The following RHOU variants were observed in gnomAD, a reference collection of about 807,000 sequenced individuals.
The protein encoded by RHOU is ras homolog family member U.
In RHOU, 8 loss-of-function variants were observed where a neutral mutation model predicts 12.6. The observed-to-expected ratio is 0.64, with a 90% CI of 0.37 to 1.15. The LOEUF is 1.15. RHOU is among the 50% of genes most tolerant of loss of function. RHOU has a pLI of 0.01. For synonymous variants in RHOU, 161 were observed against 147.4 expected (o/e 1.09, Z -0.67); for missense variants, 258 against 347.0 (o/e 0.74, Z 2.04).
chr1:228,684,581 G>A, the RHOU span, among the ~76,000 whole-genome samples: 5 of 152,212 alleles, frequency 3.3e-5, no homozygotes, highest in East Asian at 5.8e-4. Context: ...CACGTGTCTC[G>A]GCCTAAGTAT....
the RHOU span, among the ~76,000 whole-genome samples, chr1:228,666,860 C>G: frequency 1.3e-5 from 2 of 152,142 alleles, no homozygotes; most frequent in Non-Finnish European, 2.9e-5. Context: ...AAAAGCCCTC[C>G]CAGAGATTTC....
At chr1:228,666,983 T>G in the RHOU span, among the ~76,000 whole-genome samples, 2 of 152,192 alleles carry the variant, frequency 1.3e-5, no homozygotes, top group Non-Finnish European at 2.9e-5. Flanking sequence ...GCAAGGCAAT[T>G]TAGCCTCACT....
the RHOU span, among the ~76,000 whole-genome samples, chr1:228,680,418 T>A: frequency 6.6e-6 from 1 of 152,264 alleles, no homozygotes; most frequent in African/African-American, 2.4e-5. Flanking sequence ...TCCACGAGGA[T>A]GTTTTTAAGG....
chr1:228,716,316 G>C, the RHOU span, among the ~76,000 whole-genome samples: 15 of 151,958 alleles, frequency 9.9e-5, no homozygotes, highest in Admixed American at 4.6e-4. Flanking sequence ...TTTCCCACTG[G>C]GGTCCACTGT....
In RHOU at chr1:228,738,815, C is replaced by A. The variant is rs1158527255; in HGVS notation, c.321+1084C>A. ...TCAGCTTGGAAAAACCAAGCACTGT[C>A]CGTATTGTATTGTCTGTAGAAAACA... On this transcript the variant is annotated intron_variant, in intron 2 of 2. Transcript: ENST00000366691. This position sits in a 1 kb window ranked among gnomAD's most constrained non-coding sequence, Gnocchi z 4.2. Among the ~76,000 whole-genome samples the A allele has an allele frequency of 6.6e-6, 1 of 152,162 alleles. No individual in the cohort carries two copies. The highest frequency in any genetic ancestry group is 6.6e-5 in the Admixed American group (1 of 15,264).
chr1:228,716,505 T>G, the RHOU span, among the ~76,000 whole-genome samples: 1 of 152,154 alleles, frequency 6.6e-6, no homozygotes, highest in Non-Finnish European at 1.5e-5. Context: ...CATCACCATT[T>G]ATTGTCCTTT....
At chr1:228,652,894 T>G in the RHOU span, among the ~76,000 whole-genome samples, 1 of 152,232 alleles carries the variant, frequency 6.6e-6, no homozygotes, top group Non-Finnish European at 1.5e-5. Flanking sequence ...CATACATTTA[T>G]GAACAAAAGT....
chr1:228,672,927 C>T, the RHOU span, among the ~76,000 whole-genome samples: 13 of 152,228 alleles, frequency 8.5e-5, no homozygotes, highest in East Asian at 1.7e-3. Flanking sequence ...AGCAGCAGCC[C>T]GATTTCCACC....
chr1:228,716,690 A>T, the RHOU span, among the ~76,000 whole-genome samples: 2 of 151,396 alleles, frequency 1.3e-5, no homozygotes, highest in African/African-American at 4.9e-5. Context: ...ATCTGTCTGT[A>T]TTTATTATTT....
chr1:228,681,365 G>C, the RHOU span, among the ~76,000 whole-genome samples: 1 of 152,118 alleles, frequency 6.6e-6, no homozygotes, highest in African/African-American at 2.4e-5. Context: ...ATTCAGCCTG[G>C]CGGGGAGCGA....
chr1:228,699,789 T>C, the RHOU span, among the ~76,000 whole-genome samples: 10 of 152,278 alleles, frequency 6.6e-5, no homozygotes, highest in African/African-American at 2.4e-4. Context: ...CCTAATAACC[T>C]TTTAGTTACT....
the RHOU span, among the ~76,000 whole-genome samples, chr1:228,651,708 A>C: frequency 6.6e-6 from 1 of 152,236 alleles, no homozygotes; most frequent in African/African-American, 2.4e-5. Context: ...CTGCAGCAAC[A>C]TGGGAGAAAG....
At chr1:228,703,052 AG>A in the RHOU span, among the ~76,000 whole-genome samples, 1 of 152,192 alleles carries the variant, frequency 6.6e-6, no homozygotes, top group Admixed American at 6.5e-5. Context: ...GCTCAAACCA[AG>A]GGAAAAGATT....
the RHOU span, chr1:228,650,426 G>A: frequency 2.2e-5 from 10 of 456,840 alleles, no homozygotes; most frequent in African/African-American, 8.0e-5. Flanking sequence ...TGGGGTCAGC[G>A]TGCTACTTGC....
At chr1:228,730,357 C>T in the RHOU span, among the ~76,000 whole-genome samples, 2 of 152,208 alleles carry the variant, frequency 1.3e-5, no homozygotes, top group East Asian at 1.9e-4. Flanking sequence ...GGGACTGCAG[C>T]CTCTTTGGGG....
the RHOU span, among the ~76,000 whole-genome samples, chr1:228,726,114 A>T: frequency 6.6e-6 from 1 of 151,670 alleles, no homozygotes; most frequent in Non-Finnish European, 1.5e-5. Flanking sequence ...ATTTATGCAC[A>T]CTGTTATTTT....
At chr1:228,650,150 A>T in the RHOU span, 1 of 454,436 alleles carries the variant, frequency 2.2e-6, no homozygotes, top group South Asian at 1.6e-5. Flanking sequence ...TGGAAAGCAG[A>T]GCTGCACTGC....
At chr1:228,691,069 G>A in the RHOU span, among the ~76,000 whole-genome samples, 2 of 150,054 alleles carry the variant, frequency 1.3e-5, no homozygotes, top group Non-Finnish European at 2.9e-5. Context: ...AATTAACTGC[G>A]AGGATTCAGC....
the RHOU span, among the ~76,000 whole-genome samples, chr1:228,655,129 A>G: frequency 6.8e-6 from 1 of 146,878 alleles, no homozygotes; most frequent in African/African-American, 2.5e-5. Context: ...TTTGGAGATG[A>G]AGTCTTGCTC....
Sources: gnomAD v4.1 joint callset for allele counts (sites outside exome capture counted in the v4.1 genomes callset) on GRCh38, gnomAD v4.1.1 for gene constraint, Gnocchi (gnomAD v3.1) non-coding constraint, MANE v1.5 for transcripts, NCBI Gene and HGNC (gene_info 2026-07-23, HGNC 2026-07-21) for gene names.